GRIN2A: variants seen among roughly 807,000 people sequenced by gnomAD.
GRIN2A encodes glutamate ionotropic receptor NMDA type subunit 2A.
A neutral mutation model predicts 113.4 loss-of-function variants in GRIN2A; 22 were observed. That is an observed-to-expected ratio of 0.19 (90% CI 0.14 to 0.28). GRIN2A has a LOEUF of 0.28. GRIN2A is among the 10% of genes least tolerant of loss of function. GRIN2A has a pLI of 1.00. For missense variants in GRIN2A, 1,502 were observed against 1,887.0 expected (o/e 0.80, Z 3.78); for synonymous variants, 827 against 738.4 (o/e 1.12, Z -1.94).
At chr16:9,822,704 T>A (rs561476018) in intron 9 of GRIN2A, among the ~76,000 whole-genome samples, 2 of 152,246 alleles carry the variant, frequency 1.3e-5, no homozygotes, top group East Asian at 3.9e-4. Flanking sequence ...GGGTGCTCCA[T>A]AGGTATTTGT....
chr16:9,865,330 C>A (rs978873016), intron 4 of GRIN2A, among the ~76,000 whole-genome samples: 2 of 152,124 alleles, frequency 1.3e-5, no homozygotes, highest in African/African-American at 4.8e-5. Flanking sequence ...CAATTATCCC[C>A]ATCTCAGACA....
intron 2 of GRIN2A, among the ~76,000 whole-genome samples, chr16:9,984,826 C>A (rs541175011): frequency 6.6e-6 from 1 of 152,206 alleles, no homozygotes; most frequent in East Asian, 1.9e-4. Context: ...AGCTATTATC[C>A]ATTAGTTTTT....
intron 2 of GRIN2A, among the ~76,000 whole-genome samples, chr16:10,140,084 G>A (rs1037394784): frequency 6.6e-6 from 1 of 152,116 alleles, no homozygotes; most frequent in Non-Finnish European, 1.5e-5. Context: ...GGCAACACAG[G>A]CAAGATTAAA....
intron 2 of GRIN2A, among the ~76,000 whole-genome samples, chr16:10,066,483 A>G (rs1016270265): frequency 3.3e-5 from 5 of 152,220 alleles, no homozygotes; most frequent in Non-Finnish European, 7.3e-5. Flanking sequence ...TAGCAGTTCC[A>G]TACAAATGCA....
rs544658357 is a variant in GRIN2A, at chr16:10,152,182, A to G, written c.414+27816T>C. On this transcript the variant is annotated intron_variant, in intron 2 of 12. Coordinates refer to ENST00000330684, the MANE Select transcript of GRIN2A (RefSeq NM_001134407.3). ...AGTGTAACCCAAAAATCCAGATACC[A>G]GACAGATCCAAGAATGTGGCTAGTG... Among the ~76,000 whole-genome samples, 7 of 152,328 alleles carry G rather than the reference A, an allele frequency of 4.6e-5. No homozygotes were observed. In the South Asian group the frequency reaches 1.5e-3, roughly 32 times the overall value.
intron 2 of GRIN2A, among the ~76,000 whole-genome samples, chr16:10,174,115 G>A (rs2050098487): frequency 6.6e-6 from 1 of 152,192 alleles, no homozygotes. Context: ...TATGAGCCAT[G>A]AGAACAGAGG....
chr16:9,766,312 G>A (rs2141141939), intron 12 of GRIN2A, among the ~76,000 whole-genome samples: 1 of 152,332 alleles, frequency 6.6e-6, no homozygotes, highest in Middle Eastern at 3.4e-3. Context: ...AGCTCACCCT[G>A]CAGGGATGCT....
intron 3 of GRIN2A, among the ~76,000 whole-genome samples, chr16:9,914,960 G>A: frequency 1.2e-5 from 1 of 85,688 alleles, no homozygotes; most frequent in African/African-American, 4.3e-5. Flanking sequence ...TTAATGAGAC[G>A]GAATCTCACT....
chr16:9,917,681 A>G (rs1203513954), intron 3 of GRIN2A, among the ~76,000 whole-genome samples: 1 of 152,186 alleles, frequency 6.6e-6, no homozygotes, highest in African/African-American at 2.4e-5. Context: ...ACAGGACCCA[A>G]GTTCTTCTAA....
chr16:9,927,067 A>G (rs996030110), intron 3 of GRIN2A, among the ~76,000 whole-genome samples: 1 of 152,146 alleles, frequency 6.6e-6, no homozygotes, highest in Admixed American at 6.5e-5. Context: ...CAAGTTCTAT[A>G]ACTTCTCTAG....
intron 2 of GRIN2A, among the ~76,000 whole-genome samples, chr16:9,948,737 C>T (rs2045089208): frequency 6.6e-6 from 1 of 152,232 alleles, no homozygotes; most frequent in South Asian, 2.1e-4. Flanking sequence ...AACCGCCTCA[C>T]TCCTGGGAGA....
intron 2 of GRIN2A, among the ~76,000 whole-genome samples, chr16:10,058,286 C>CA (rs1567268439): frequency 6.8e-6 from 1 of 147,478 alleles, no homozygotes; most frequent in South Asian, 2.1e-4. Context: ...AACCAAAAAA[C>CA]AAAAAAACAA....
rs1596533964 is a variant in GRIN2A, at chr16:9,880,800, C to T, written c.1122+10186G>A. ...TTGCTTATTCTCGTGAGACCTTGTT[C>T]AAACGAGAAATCCTCCATACAAACG... On this transcript the variant is annotated intron_variant, in intron 4 of 12. Coordinates refer to ENST00000330684, the MANE Select transcript of GRIN2A (RefSeq NM_001134407.3). Among the ~76,000 whole-genome samples, 11 of 152,308 alleles carry T rather than the reference C, an allele frequency of 7.2e-5. No homozygotes were observed. The South Asian group carries it at 2.3e-3, about 32-fold the overall frequency.
At chr16:9,858,323 C>G (rs1467271226) in intron 4 of GRIN2A, among the ~76,000 whole-genome samples, 1 of 152,134 alleles carries the variant, frequency 6.6e-6, no homozygotes. Flanking sequence ...ATTCTTAGTG[C>G]TATTTTAATT....
chr16:9,800,628 G>A (rs191271600), intron 10 of GRIN2A, among the ~76,000 whole-genome samples: 39 of 152,096 alleles, frequency 2.6e-4, no homozygotes, highest in Non-Finnish European at 1.5e-4. Flanking sequence ...TTGAGGTGGC[G>A]CAAAACTGTA....
At chr16:10,149,593 C>T (rs1218091643) in intron 2 of GRIN2A, among the ~76,000 whole-genome samples, 1 of 152,174 alleles carries the variant, frequency 6.6e-6, no homozygotes, top group African/African-American at 2.4e-5. Context: ...TCAGCAAGTA[C>T]AGAGCAGTCC....
chr16:9,999,223 T>A (rs1239505506), intron 2 of GRIN2A, among the ~76,000 whole-genome samples: 2 of 152,178 alleles, frequency 1.3e-5, no homozygotes, highest in African/African-American at 4.8e-5. Context: ...AGTTCTGGTA[T>A]CAGACTGCCT....
intron 4 of GRIN2A, among the ~76,000 whole-genome samples, chr16:9,890,575 T>C (rs886148486): frequency 2.0e-5 from 3 of 152,228 alleles, no homozygotes; most frequent in Admixed American, 6.5e-5. Flanking sequence ...AGCAAAAGAC[T>C]GAGTACATGA....
At chr16:9,988,308 T>A (rs892105518) in intron 2 of GRIN2A, among the ~76,000 whole-genome samples, 13 of 150,612 alleles carry the variant, frequency 8.6e-5, no homozygotes, top group African/African-American at 1.2e-4. Flanking sequence ...TGTGTGTGTG[T>A]GACACAGAAA....
Sources: gnomAD v4.1 joint callset for allele counts (sites outside exome capture counted in the v4.1 genomes callset) on GRCh38, gnomAD v4.1.1 for gene constraint, MANE v1.5 for transcripts, NCBI Gene and HGNC (gene_info 2026-07-23, HGNC 2026-07-21) for gene names.